Variants in GPC6 observed in about 807,000 individuals in gnomAD.
The protein encoded by GPC6 is glypican-6.
A neutral mutation model predicts 55.2 loss-of-function variants in GPC6; 14 were observed. That is an observed-to-expected ratio of 0.25 (90% CI 0.17 to 0.40). GPC6 has a LOEUF of 0.40. Among genes scored for constraint, GPC6 ranks in the 10% least tolerant of loss-of-function variants. The pLI is 1.00. For synonymous variants in GPC6, 278 were observed against 259.6 expected (o/e 1.07, Z -0.68); for missense variants, 641 against 708.5 (o/e 0.90, Z 1.08).
intron 4 of GPC6, among the ~76,000 whole-genome samples, chr13:94,183,326 G>A (rs1889059590): frequency 6.6e-6 from 1 of 152,136 alleles, no homozygotes; most frequent in Non-Finnish European, 1.5e-5. Context: ...TTTGTGTCAT[G>A]CTTCTTTCAC....
intron 4 of GPC6, among the ~76,000 whole-genome samples, chr13:94,141,611 G>T (rs1322906828): frequency 1.3e-5 from 2 of 152,134 alleles, no homozygotes; most frequent in African/African-American, 4.8e-5. Flanking sequence ...TTGACCAAGA[G>T]GGGTCCGTTC....
At chr13:93,359,338 T>C (rs1880966342) in intron 1 of GPC6, among the ~76,000 whole-genome samples, 1 of 152,170 alleles carries the variant, frequency 6.6e-6, no homozygotes, top group South Asian at 2.1e-4. Flanking sequence ...TTGCATTACC[T>C]TTATTCTACT....
chr13:93,525,121 T>C (rs1409266960), intron 1 of GPC6, among the ~76,000 whole-genome samples: 2 of 152,034 alleles, frequency 1.3e-5, no homozygotes, highest in Non-Finnish European at 2.9e-5. Flanking sequence ...TCCTTGTACA[T>C]ACCATGTCTA....
At chr13:93,288,281 GTGGATATTT>G (rs1878203498) in intron 1 of GPC6, among the ~76,000 whole-genome samples, 1 of 152,144 alleles carries the variant, frequency 6.6e-6, no homozygotes, top group Non-Finnish European at 1.5e-5. Context: ...AATTTCAAGT[GTGGATATTT>G]TAAATCCTGA....
At chr13:93,382,892 G>T (rs1054543018) in intron 1 of GPC6, among the ~76,000 whole-genome samples, 1 of 151,980 alleles carries the variant, frequency 6.6e-6, no homozygotes, top group African/African-American at 2.4e-5. Flanking sequence ...GTCCTTTGGC[G>T]GTTTCTCTCT....
At chr13:93,638,439 A>G (rs1045400349) in intron 2 of GPC6, among the ~76,000 whole-genome samples, 8 of 152,008 alleles carry the variant, frequency 5.3e-5, no homozygotes, top group Middle Eastern at 3.4e-3. Context: ...TTTGTTAGCC[A>G]AAACTGTTTT....
In GPC6 at chr13:93,493,266, G is replaced by A. The variant is rs1447066713; in HGVS notation, c.161-51997G>A. On this transcript the variant is annotated intron_variant, in intron 1 of 8. Transcript: ENST00000377047. ...TTAGTCTTGGGAGAGTTTATGTGTCGAGGAATGTATCCATTTCTTCTAGAT... is the reference window on the plus strand; with the variant it reads ...TTAGTCTTGGGAGAGTTTATGTGTCAAGGAATGTATCCATTTCTTCTAGAT... Among the ~76,000 whole-genome samples, 5 of 49,030 alleles carry A rather than the reference G, an allele frequency of 1.0e-4. 2 individuals carry two copies. The Admixed American group carries it at 1.1e-3, about 11-fold the overall frequency. 32.2% of individuals were successfully genotyped at this position (49,030 alleles called of 152,430 possible).
intron 2 of GPC6, among the ~76,000 whole-genome samples, chr13:93,691,570 C>T (rs536322231): frequency 6.6e-6 from 1 of 151,660 alleles, no homozygotes; most frequent in African/African-American, 2.4e-5. Context: ...CTTGTTTTTC[C>T]ATGAAACACT....
At chr13:93,776,600 AAAAG>A (rs1202085971) in intron 2 of GPC6, among the ~76,000 whole-genome samples, 23 of 152,328 alleles carry the variant, frequency 1.5e-4, no homozygotes, top group Admixed American at 8.5e-4. Context: ...TTCAGAAAAA[AAAAG>A]AAAGAAAGAA....
At chr13:93,276,025 C>T (rs895195386) in intron 1 of GPC6, among the ~76,000 whole-genome samples, 15 of 152,254 alleles carry the variant, frequency 9.9e-5, no homozygotes, top group African/African-American at 3.4e-4. Context: ...CAGGCGCCCG[C>T]CACCATGCCC....
At chr13:93,397,789 AT>A (rs34394036) in intron 1 of GPC6, among the ~76,000 whole-genome samples, 5 of 147,022 alleles carry the variant, frequency 3.4e-5, no homozygotes, top group East Asian at 2.0e-4. Flanking sequence ...CTCAAAAGCT[AT>A]TTTTTTTTCC....
At chr13:93,235,328 TAG>T (rs1566535149) in intron 1 of GPC6, among the ~76,000 whole-genome samples, 1 of 152,118 alleles carries the variant, frequency 6.6e-6, no homozygotes, top group Non-Finnish European at 1.5e-5. Flanking sequence ...TGATATTGAA[TAG>T]ATAGGGTGGG....
chr13:93,883,840 A>T (rs1875151071), intron 3 of GPC6, among the ~76,000 whole-genome samples: 1 of 152,126 alleles, frequency 6.6e-6, no homozygotes, highest in Admixed American at 6.6e-5. Flanking sequence ...TAAATTCATT[A>T]CGCATCAATT....
intron 3 of GPC6, among the ~76,000 whole-genome samples, chr13:93,929,516 G>T (rs891680574): frequency 2.6e-5 from 4 of 152,102 alleles, no homozygotes; most frequent in African/African-American, 9.7e-5. Context: ...TACCAATTAT[G>T]CTCTGAGTTT....
At chr13:94,098,274 T>A (rs1377862705) in intron 4 of GPC6, among the ~76,000 whole-genome samples, 7 of 152,206 alleles carry the variant, frequency 4.6e-5, no homozygotes, top group Admixed American at 6.5e-5. Flanking sequence ...ACCTATAGGA[T>A]GACAAGTAGT....
chr13:94,305,908 C>T (rs1477805979), intron 5 of GPC6, 72 bp from the exon 6 acceptor site: 1 of 1,418,774 alleles, frequency 7.0e-7, no homozygotes, highest in Non-Finnish European at 1.0e-6. Flanking sequence ...CATTGCATTG[C>T]ACATTTCTGC....
chr13:94,138,868 T>C (rs1339952692), intron 4 of GPC6, among the ~76,000 whole-genome samples: 3 of 152,012 alleles, frequency 2.0e-5, no homozygotes, highest in African/African-American at 7.2e-5. Context: ...GCTGCAGAGA[T>C]GAAAGACATG....
intron 2 of GPC6, among the ~76,000 whole-genome samples, chr13:93,684,643 A>G (rs1186734687): frequency 6.6e-6 from 1 of 152,186 alleles, no homozygotes; most frequent in Non-Finnish European, 1.5e-5. Context: ...CTAGGGGACT[A>G]TTTTATTTTA....
At chr13:94,050,233 A>G (rs1883894621) in intron 4 of GPC6, among the ~76,000 whole-genome samples, 1 of 152,130 alleles carries the variant, frequency 6.6e-6, no homozygotes, top group Non-Finnish European at 1.5e-5. Flanking sequence ...AACGTAATAG[A>G]TGCTGTGTAA....
Sources: allele counts gnomAD v4.1 joint callset (sites outside exome capture counted in the v4.1 genomes callset), GRCh38; gene constraint gnomAD v4.1.1; transcripts MANE v1.5; gene names NCBI Gene and HGNC (gene_info 2026-07-23, HGNC 2026-07-21).